Variants in TBC1D19 observed in about 807,000 individuals in gnomAD.
The protein encoded by TBC1D19 is TBC1 domain family member 19.
TBC1D19 carries 60 observed loss-of-function variants against 89.0 expected under a neutral mutation model. That is an observed-to-expected ratio of 0.67 (90% CI 0.55 to 0.84). The LOEUF is 0.84. TBC1D19 is among the 40% of genes least tolerant of loss of function. The pLI, the probability that TBC1D19 is intolerant of heterozygous loss-of-function variation, is 0.00. For synonymous variants in TBC1D19, 189 were observed against 199.7 expected (o/e 0.95, Z 0.45); for missense variants, 500 against 610.8 (o/e 0.82, Z 1.91).
chr4:26,854,041 AACACGTCAAG>A, the TBC1D19 span, among the ~76,000 whole-genome samples: 1 of 152,192 alleles, frequency 6.6e-6, no homozygotes, highest in Non-Finnish European at 1.5e-5. Context: ...TGTAAATATA[AACACGTCAAG>A]ACAAACGCCT....
chr4:26,583,943 C>T, upstream of TBC1D19: 2 of 516,496 alleles, frequency 3.9e-6, no homozygotes, highest in Non-Finnish European at 7.0e-6. Context: ...GCAGGAACAA[C>T]GGTGTGAAAA....
chr4:26,741,716 A>G (rs953249138), intron 17 of TBC1D19, among the ~76,000 whole-genome samples: 5 of 151,786 alleles, frequency 3.3e-5, no homozygotes, highest in Admixed American at 6.6e-5. Context: ...ATTTGGAACC[A>G]TGACAGTCTT....
intron 9 of TBC1D19, among the ~76,000 whole-genome samples, chr4:26,668,874 A>G (rs1283304418): frequency 6.6e-6 from 1 of 151,816 alleles, no homozygotes; most frequent in East Asian, 1.9e-4. Context: ...AAGTCAGGAG[A>G]AAAAGTCCTT....
chr4:26,761,192 C>A (rs1719446313), downstream of TBC1D19, among the ~76,000 whole-genome samples: 1 of 152,162 alleles, frequency 6.6e-6, no homozygotes, highest in Non-Finnish European at 1.5e-5. Flanking sequence ...ATTCTAGCTT[C>A]TTCGCATTTC....
the TBC1D19 span, among the ~76,000 whole-genome samples, chr4:26,835,788 C>A: frequency 1.3e-5 from 2 of 152,158 alleles, no homozygotes; most frequent in African/African-American, 2.4e-5. Flanking sequence ...TACTATAAAC[C>A]TTCAATGGCT....
intron 11 of TBC1D19, 82 bp downstream of exon 11, chr4:26,673,970 CTT>C (rs1712570249): frequency 1.3e-6 from 1 of 779,738 alleles, no homozygotes; most frequent in Non-Finnish European, 2.0e-6. Context: ...ATTGAAAAAA[CTT>C]TTGTTTCTTA....
At chr4:26,619,669 GA>G (rs1379633433) in intron 3 of TBC1D19, among the ~76,000 whole-genome samples, 3 of 152,052 alleles carry the variant, frequency 2.0e-5, no homozygotes, top group Non-Finnish European at 4.4e-5. Context: ...TTGTGAATGC[GA>G]AAGATACATG....
At chr4:26,614,609 A>G (rs1052636381) in intron 3 of TBC1D19, among the ~76,000 whole-genome samples, 156 bp downstream of exon 3, 1 of 152,180 alleles carries the variant, frequency 6.6e-6, no homozygotes, top group Non-Finnish European at 1.5e-5. Flanking sequence ...AAAAATTACT[A>G]CCGTCTTGCC....
intron 1 of TBC1D19, among the ~76,000 whole-genome samples, chr4:26,608,356 A>G (rs1741138405): frequency 6.6e-6 from 1 of 152,200 alleles, no homozygotes; most frequent in Non-Finnish European, 1.5e-5. Flanking sequence ...AACATTAGCA[A>G]ACAAGAAAAG....
intron 7 of TBC1D19, among the ~76,000 whole-genome samples, chr4:26,642,169 C>T (rs1393041027): frequency 6.6e-6 from 1 of 152,188 alleles, no homozygotes; most frequent in Non-Finnish European, 1.5e-5. Context: ...ATGTTAAGGG[C>T]AGCCAGAGAG....
chr4:26,786,527 G>A, the TBC1D19 span, among the ~76,000 whole-genome samples: 757 of 152,184 alleles, frequency 5.0e-3, 5 homozygotes, highest in African/African-American at 0.017. Flanking sequence ...CCAGCTACTC[G>A]AGAGGCTGAG....
At chr4:26,757,792 A>C (rs1031850518), downstream of TBC1D19, among the ~76,000 whole-genome samples, 2 of 152,162 alleles carry the variant, frequency 1.3e-5, no homozygotes, top group Non-Finnish European at 2.9e-5. Context: ...TTGCATTAAG[A>C]AGTGTCTAGT....
At chr4:26,586,785 A>G (rs1197650307) in intron 1 of TBC1D19, among the ~76,000 whole-genome samples, 1 of 152,212 alleles carries the variant, frequency 6.6e-6, no homozygotes, top group Non-Finnish European at 1.5e-5. Context: ...TGCAATTGAT[A>G]TTAATCTATT....
At chr4:26,695,133 T>G (rs1388764361) in intron 13 of TBC1D19, among the ~76,000 whole-genome samples, 1 of 152,138 alleles carries the variant, frequency 6.6e-6, no homozygotes, top group Admixed American at 6.5e-5. Flanking sequence ...AGTGGCTAAC[T>G]AGAATAACCA....
intron 11 of TBC1D19, among the ~76,000 whole-genome samples, chr4:26,681,720 C>G (rs892521083): frequency 6.6e-6 from 1 of 152,084 alleles, no homozygotes; most frequent in Non-Finnish European, 1.5e-5. Flanking sequence ...TGTGACAAAT[C>G]TATACCACAG....
chr4:26,759,499 G>A (rs1719389769), downstream of TBC1D19, among the ~76,000 whole-genome samples: 1 of 151,926 alleles, frequency 6.6e-6, no homozygotes, highest in Non-Finnish European at 1.5e-5. Flanking sequence ...AAAATAAAAT[G>A]CATTTTAAGT....
At chr4:26,693,917 C>T (rs1247570542) in intron 13 of TBC1D19, among the ~76,000 whole-genome samples, 1 of 152,040 alleles carries the variant, frequency 6.6e-6, no homozygotes, top group East Asian at 1.9e-4. Context: ...TGTCATTCAG[C>T]AGTTCCAAGA....
intron 3 of TBC1D19, among the ~76,000 whole-genome samples, chr4:26,618,820 T>C (rs948598566): frequency 1.2e-4 from 19 of 152,206 alleles, no homozygotes. Flanking sequence ...GGAATAATGG[T>C]TGCCTAAAAT....
intron 13 of TBC1D19, among the ~76,000 whole-genome samples, chr4:26,695,325 T>C (rs1277851153): frequency 1.3e-5 from 2 of 152,032 alleles, no homozygotes; most frequent in African/African-American, 2.4e-5. Flanking sequence ...TAAAAAGAAA[T>C]GTCAACAAAG....
Sources: gnomAD v4.1 joint callset for allele counts (sites outside exome capture counted in the v4.1 genomes callset) on GRCh38, gnomAD v4.1.1 for gene constraint, MANE v1.5 for transcripts, NCBI Gene and HGNC (gene_info 2026-07-23, HGNC 2026-07-21) for gene names.